IRAK4: variants seen among roughly 807,000 people sequenced by gnomAD.
The protein encoded by IRAK4 is interleukin-1 receptor-associated kinase 4.
IRAK4 carries 44 observed loss-of-function variants against 51.8 expected under a neutral mutation model. The observed-to-expected ratio is 0.85, with a 90% CI of 0.67 to 1.09. IRAK4 has a LOEUF of 1.09. Ranked by LOEUF, IRAK4 falls within the 50% of genes least tolerant of loss-of-function variation. The pLI is 0.00. For missense variants in IRAK4, 487 were observed against 538.0 expected (o/e 0.91, Z 0.94); for synonymous variants, 149 against 174.1 (o/e 0.86, Z 1.13).
At chr12:43,778,907 G>T (rs1157844591) in intron 8 of IRAK4, among the ~76,000 whole-genome samples, 2 of 152,166 alleles carry the variant, frequency 1.3e-5, no homozygotes, top group African/African-American at 2.4e-5. Context: ...GAGGGTAACT[G>T]TAGAATGGAT....
chr12:43,772,341 A>T lies in IRAK4; in HGVS notation c.469A>T (p.Ser157Cys), dbSNP rs750080879. Residue 157 changes from serine (S) to cysteine (C), a missense_variant, in exon 4 of 12, where the codon AGT (serine) becomes TGT (cysteine). Transcript: ENST00000613694. ...TGACTCCTCAAGTCCAGAAAATAAA[A>T]GTTTAGAAGTTAGTGATACACGTAA... is the stretch of plus-strand genomic sequence containing the variant. ...PPDSSSPENK[S>C]LEVSDTRFHS... is the part of the protein sequence containing the mutation. The T allele has an allele frequency of 6.2e-7, 1 of 1,613,000 alleles. No individual in the cohort carries two copies. The highest frequency in any genetic ancestry group is 1.1e-5 in the South Asian group (1 of 91,078).
At chr12:43,777,280 T>C (rs1284423664) in intron 6 of IRAK4, among the ~76,000 whole-genome samples, 1 of 152,046 alleles carries the variant, frequency 6.6e-6, no homozygotes, top group East Asian at 1.9e-4. Flanking sequence ...TCCAAGCTAC[T>C]TGGGAGGATG....
chr12:43,782,007 C>G (rs1941815166), intron 8 of IRAK4, among the ~76,000 whole-genome samples: 1 of 152,142 alleles, frequency 6.6e-6, no homozygotes, highest in African/African-American at 2.4e-5. Flanking sequence ...GAAAATATCT[C>G]TTACTAATGT....
Position 43,778,296 on chromosome 12 carries a change from T to C in IRAK4, c.935T>C (p.Ile312Thr), listed in dbSNP as rs777460833. 2 of 1,551,650 alleles carry C rather than the reference T, an allele frequency of 1.3e-6. No homozygotes were observed. The highest frequency in any genetic ancestry group is 2.2e-5 in the South Asian group (2 of 89,814). The part of the protein sequence containing the change: ...LHENHHIHRD[I>T]KSANILLDEA... ...GAAAATCATCATATTCATAGAGATA[T>C]TAAAAGGTAAATGCTACTGTTTAAA... is the stretch of plus-strand genomic sequence containing the variant. Residue 312 changes from isoleucine (I) to threonine (T), a missense_variant, in exon 8 of 12, where the codon ATT becomes ACT. Transcript: ENST00000613694.
chr12:43,759,740 C>A (rs941261135), intron 1 of IRAK4: 4 of 151,834 alleles, frequency 2.6e-5, no homozygotes, highest in African/African-American at 7.3e-5. Flanking sequence ...TAGTGGCGGG[C>A]GCCCGTAATG....
chr12:43,780,775 T>G (rs1177461741), intron 8 of IRAK4, among the ~76,000 whole-genome samples: 1 of 152,142 alleles, frequency 6.6e-6, no homozygotes, highest in East Asian at 1.9e-4. Flanking sequence ...TTCTCCATGT[T>G]GATCAGGTTG....
chr12:43,788,609 G>A lies in IRAK4; in HGVS notation c.*1894G>A, dbSNP rs969204513. The stretch of plus-strand genomic sequence containing the variant: ...GGCTGGAGTGCAGTGGCACGATCTC[G>A]GCTCACTGCAAGCTCTGCCTCCCAG... On this transcript the variant is annotated 3_prime_UTR_variant, in exon 12 of 12. Transcript: ENST00000613694. The A allele has an allele frequency of 7.5e-5, 11 of 147,048 alleles. No individual in the cohort carries two copies. Among genetic ancestry groups the A allele is most frequent in the Non-Finnish European group, 1.2e-4 (8 of 67,616 alleles). The allele number at this position is 147,048 out of a possible 1,614,324, so 9.1% of individuals were successfully genotyped here. A position where few individuals can be genotyped will look rare whatever the true frequency, so the allele number is the denominator to read the frequency against.
At chr12:43,785,656 A>G (rs1942152096) in intron 10 of IRAK4, among the ~76,000 whole-genome samples, 2 of 149,198 alleles carry the variant, frequency 1.3e-5, no homozygotes, top group Non-Finnish European at 3.0e-5. Context: ...ATATATATAC[A>G]CATACCCAGC....
intron 5 of IRAK4, among the ~76,000 whole-genome samples, chr12:43,773,291 A>G (rs1471347313): frequency 6.6e-6 from 1 of 152,180 alleles, no homozygotes; most frequent in Non-Finnish European, 1.5e-5. Context: ...AAGATCATAC[A>G]TACAATTTTG....
intron 10 of IRAK4, among the ~76,000 whole-genome samples, chr12:43,785,015 A>G (rs1163946260): frequency 6.6e-6 from 1 of 152,180 alleles, no homozygotes; most frequent in Admixed American, 6.5e-5. Flanking sequence ...TTAAAGCAAC[A>G]GAAATTTATT....
chr12:43,781,318 A>G (rs1941761781), intron 8 of IRAK4, among the ~76,000 whole-genome samples: 1 of 152,142 alleles, frequency 6.6e-6, no homozygotes, highest in Non-Finnish European at 1.5e-5. Flanking sequence ...CTACCACACT[A>G]CTAGGTCATG....
intron 6 of IRAK4, among the ~76,000 whole-genome samples, chr12:43,775,913 G>A (rs1190034542): frequency 8.9e-6 from 1 of 112,818 alleles, no homozygotes; most frequent in African/African-American, 3.9e-5. Flanking sequence ...ACGGAATCTC[G>A]CTCTGTTGCC....
intron 8 of IRAK4, among the ~76,000 whole-genome samples, chr12:43,779,294 G>A (rs184763199): frequency 7.2e-5 from 11 of 152,228 alleles, no homozygotes; most frequent in Admixed American, 7.2e-4. Context: ...GTATGACTGA[G>A]ATGCAGAAAG....
At chr12:43,781,209 C>T (rs1941749485) in intron 8 of IRAK4, among the ~76,000 whole-genome samples, 1 of 152,162 alleles carries the variant, frequency 6.6e-6, no homozygotes, top group Non-Finnish European at 1.5e-5. Context: ...TTCCATTTAT[C>T]CCATGTTATG....
chr12:43,760,714 T>C (rs1283374009), intron 1 of IRAK4, among the ~76,000 whole-genome samples: 5 of 152,234 alleles, frequency 3.3e-5, no homozygotes, highest in African/African-American at 4.8e-5. Context: ...CACCTTCTTA[T>C]TGAGGCTTCC....
rs1299912088 is a variant in IRAK4 at position 43,788,466 on chromosome 12, C to T, written c.*1751C>T. The T allele has an allele frequency of 6.6e-6, 1 of 152,230 alleles. No individual in the cohort carries two copies. Among genetic ancestry groups the T allele is most frequent in the Non-Finnish European group, 1.5e-5 (1 of 68,126 alleles). The allele number at this position is 152,230 out of a possible 1,614,324, so 9.4% of individuals were successfully genotyped here. The stretch of plus-strand genomic sequence containing the variant: ...GCAAAGCCACAGGAGTGGAGCTGCC[C>T]ACGGCCTCGAGGGCCCACCCCTTGC... On this transcript the variant is annotated 3_prime_UTR_variant, in exon 12 of 12. Coordinates refer to ENST00000613694, the MANE Select transcript of IRAK4 (RefSeq NM_016123.4).
chr12:43,773,140 G>T, intron 5 of IRAK4, 68 bp downstream of exon 5: 1 of 1,355,680 alleles, frequency 7.4e-7, no homozygotes, highest in Non-Finnish European at 1.0e-6. Context: ...AGGTTTTAAA[G>T]TTAATCTTTA....
chr12:43,759,760 C>G (rs931508119), intron 1 of IRAK4, among the ~76,000 whole-genome samples: 17 of 151,586 alleles, frequency 1.1e-4, no homozygotes, highest in Admixed American at 3.3e-4. Flanking sequence ...GCCAGCTACT[C>G]CGGGGGCTGA....
At chr12:43,765,395 A>G (rs1480750304) in intron 1 of IRAK4, among the ~76,000 whole-genome samples, 3 of 152,190 alleles carry the variant, frequency 2.0e-5, no homozygotes, top group Non-Finnish European at 2.9e-5. Flanking sequence ...TGATTTGTAC[A>G]CTGCTGATTT....
Sources: allele counts gnomAD v4.1 joint callset (sites outside exome capture counted in the v4.1 genomes callset), GRCh38; gene constraint gnomAD v4.1.1; transcripts MANE v1.5; gene names NCBI Gene and HGNC (gene_info 2026-07-23, HGNC 2026-07-21).